Variants in FAM177A1 observed in about 807,000 individuals in gnomAD.
FAM177A1 encodes family with sequence similarity 177 member A1.
FAM177A1 carries 22 observed loss-of-function variants against 26.1 expected under a neutral mutation model. The ratio of observed to expected loss-of-function variants is 0.84; its 90% CI spans 0.60 to 1.20. The LOEUF (loss-of-function observed/expected upper bound fraction) is 1.20, where lower values mean the gene tolerates loss of function less well. FAM177A1 is among the 50% of genes most tolerant of loss of function. The pLI is 0.00. For missense variants in FAM177A1, 296 were observed against 291.1 expected (o/e 1.02, Z -0.12); for synonymous variants, 95 against 99.3 (o/e 0.96, Z 0.26).
chr14:35,046,493 C>T lies in FAM177A1; in HGVS notation c.30C>T (p.Leu10=), dbSNP rs767636712. 4 of 1,601,854 alleles carry T rather than the reference C, an allele frequency of 2.5e-6. No homozygotes were observed. Among genetic ancestry groups the T allele is most frequent in the Middle Eastern group, 2.2e-4 (1 of 4,540 alleles). The change falls in exon 1 of 5, where the codon CTC becomes CTT. Residue 10 remains leucine, a synonymous_variant. Coordinates refer to ENST00000280987, the MANE Select transcript of FAM177A1 (RefSeq NM_173607.5). MEVGLPAIT[L]FLTSASSPVV... is the part of the protein sequence containing the mutation. Reference sequence around the variant, plus strand: ...AAGTGGGCTTACCGGCCATTACCCTCTTTCTCACCAGCGCCAGCAGCCCTG... The same window carrying T: ...AAGTGGGCTTACCGGCCATTACCCTTTTTCTCACCAGCGCCAGCAGCCCTG...
chr14:35,077,257 A>G, intron 3 of FAM177A1, 41 bp downstream of exon 3: 1 of 1,566,564 alleles, frequency 6.4e-7, no homozygotes, highest in Non-Finnish European at 8.8e-7. Context: ...TTGCTGTAAC[A>G]TGCTTCAGCA....
At chr14:35,051,235 T>C (rs2044964291) in intron 1 of FAM177A1, among the ~76,000 whole-genome samples, 1 of 152,170 alleles carries the variant, frequency 6.6e-6, no homozygotes, top group African/African-American at 2.4e-5. Flanking sequence ...TTCTCATTCC[T>C]CAGCTTCCCG....
Position 35,079,097 on chromosome 14 carries a change from A to T in FAM177A1, c.504+73A>T. 4 of 1,131,772 alleles carry T rather than the reference A, an allele frequency of 3.5e-6. 1 individual carries two copies. Among genetic ancestry groups the T allele is most frequent in the Non-Finnish European group, 5.0e-6 (4 of 799,090 alleles). 70.1% of individuals were successfully genotyped at this position (1,131,772 alleles called of 1,614,324 possible). On this transcript the variant is annotated intron_variant, in intron 4 of 4. Transcript: ENST00000280987. ...ACTTGATGGGTTGCATAATGAGCCT[A>T]TGTATTTTCTAACTGCCCAACATGT...
chr14:35,080,932 T>TAA, intron 4 of FAM177A1, 90 bp from the exon 5 acceptor site: 4 of 1,303,892 alleles, frequency 3.1e-6, no homozygotes, highest in Non-Finnish European at 2.0e-6. Flanking sequence ...TTTTTTTTTT[T>TAA]AAACATAAGC....
rs530069165 is a variant in FAM177A1, at chr14:35,066,406, CT to C, written c.340-10727del. 4.3e-3 allele frequency among the ~76,000 whole-genome samples: 543 copies of C among 125,956 alleles called. 2 individuals are homozygous for C. Among genetic ancestry groups the C allele is most frequent in the East Asian group, 0.016 (66 of 4,170 alleles). The allele number at this position is 125,956 out of a possible 152,430, so 82.6% of individuals were successfully genotyped here. A position where few individuals can be genotyped will look rare whatever the true frequency, so the allele number is the denominator to read the frequency against. On this transcript the variant is annotated intron_variant, in intron 2 of 4. Transcript: ENST00000280987. ...GTTGTTTAAAGTAGTAAAAGAGCAT[CT>C]TTTTTTTTTTTTTTTTGAGACAGAG...
chr14:35,057,364 C>T (rs1435465230), intron 2 of FAM177A1, among the ~76,000 whole-genome samples: 1 of 151,936 alleles, frequency 6.6e-6, no homozygotes, highest in East Asian at 1.9e-4. Flanking sequence ...CCCAGCTTCC[C>T]ATAAGTTTTT....
intron 4 of FAM177A1, among the ~76,000 whole-genome samples, chr14:35,080,598 C>G (rs868342864): frequency 3.9e-5 from 6 of 152,130 alleles, no homozygotes; most frequent in Admixed American, 6.6e-5. Context: ...GTCAGGAGTT[C>G]GAGACCAGCC....
chr14:35,082,483 AG>A lies in FAM177A1; in HGVS notation c.*1256del, dbSNP rs2045498873. The A allele has an allele frequency of 6.6e-6, 1 of 152,232 alleles. No individual in the cohort carries two copies. Among genetic ancestry groups the A allele is most frequent in the Admixed American group, 6.6e-5 (1 of 15,260 alleles). The allele number at this position is 152,232 out of a possible 1,614,324, so 9.4% of individuals were successfully genotyped here. A position where few individuals can be genotyped will look rare whatever the true frequency, so the allele number is the denominator to read the frequency against. Reference sequence around the variant, plus strand: ...AGCCAAGATTGCACCACTGCACTCCAGCCTGGGCGACAGAGTGAGACTCCAT... The same window carrying A: ...AGCCAAGATTGCACCACTGCACTCCACCTGGGCGACAGAGTGAGACTCCAT... On this transcript the variant is annotated 3_prime_UTR_variant, in exon 5 of 5. Transcript: ENST00000280987.
chr14:35,058,913 A>G (rs1183571407), intron 2 of FAM177A1, among the ~76,000 whole-genome samples: 1 of 152,074 alleles, frequency 6.6e-6, no homozygotes, highest in Non-Finnish European at 1.5e-5. Flanking sequence ...TTTGTCTGCT[A>G]CTGATATTGC....
chr14:35,071,864 A>C (rs1477052919), intron 2 of FAM177A1, among the ~76,000 whole-genome samples: 2 of 152,222 alleles, frequency 1.3e-5, no homozygotes, highest in East Asian at 3.8e-4. Context: ...CCCCCAAACT[A>C]AATTGCTAAT....
chr14:35,077,415 A>G (rs967565985), intron 3 of FAM177A1, among the ~76,000 whole-genome samples, 199 bp downstream of exon 3: 4 of 136,690 alleles, frequency 2.9e-5, no homozygotes, highest in Admixed American at 7.3e-5. Flanking sequence ...AATATAGTTT[A>G]TTTTTTGAGG....
At chr14:35,049,838 T>G (rs1004517894) in intron 1 of FAM177A1, among the ~76,000 whole-genome samples, 1 of 152,176 alleles carries the variant, frequency 6.6e-6, no homozygotes, top group Non-Finnish European at 1.5e-5. Context: ...TATAGTTTGG[T>G]TAACTATAAA....
intron 1 of FAM177A1, among the ~76,000 whole-genome samples, chr14:35,051,705 G>A (rs1329691237): frequency 6.6e-6 from 1 of 152,066 alleles, no homozygotes; most frequent in African/African-American, 2.4e-5. Context: ...GAGCCACCAC[G>A]GCTGGCCTGT....
intron 2 of FAM177A1, among the ~76,000 whole-genome samples, chr14:35,059,472 C>T (rs963107051): frequency 4.6e-5 from 7 of 151,196 alleles, no homozygotes; most frequent in Non-Finnish European, 7.4e-5. Context: ...TCTTTTTGCT[C>T]CTTTCTTTTC....
chr14:35,052,763 GAAAAA>G (rs201117633), intron 1 of FAM177A1, among the ~76,000 whole-genome samples: 3 of 151,082 alleles, frequency 2.0e-5, no homozygotes, highest in Non-Finnish European at 3.0e-5. Context: ...TGTCCCTATA[GAAAAA>G]AAAATTAGCC....
chr14:35,067,714 T>G (rs978081368), intron 2 of FAM177A1, among the ~76,000 whole-genome samples: 1 of 152,118 alleles, frequency 6.6e-6, no homozygotes, highest in African/African-American at 2.4e-5. Context: ...TTTGATAATA[T>G]CCATTTTGAC....
intron 1 of FAM177A1, among the ~76,000 whole-genome samples, chr14:35,051,187 T>A (rs1566666271): frequency 6.6e-6 from 1 of 152,218 alleles, no homozygotes; most frequent in Non-Finnish European, 1.5e-5. Flanking sequence ...TGGCACGATC[T>A]CAGCTCACTG....
chr14:35,060,373 A>G (rs771440981), intron 2 of FAM177A1, among the ~76,000 whole-genome samples: 7 of 151,356 alleles, frequency 4.6e-5, no homozygotes, highest in South Asian at 2.1e-4. Context: ...TTAATTTATT[A>G]TTTTCTTAGG....
chr14:35,078,425 C>T (rs1008811595), intron 3 of FAM177A1, among the ~76,000 whole-genome samples: 2 of 152,174 alleles, frequency 1.3e-5, no homozygotes, highest in South Asian at 2.1e-4. Context: ...GATCTTGTCT[C>T]ACCGTAACCT....
Sources: allele counts gnomAD v4.1 joint callset (sites outside exome capture counted in the v4.1 genomes callset), GRCh38; gene constraint gnomAD v4.1.1; transcripts MANE v1.5; gene names NCBI Gene and HGNC (gene_info 2026-07-23, HGNC 2026-07-21).